NRG3: variants seen among roughly 807,000 people sequenced by gnomAD.
NRG3 encodes the protein neuregulin 3.
NRG3 carries 31 observed loss-of-function variants against 66.9 expected under a neutral mutation model. The ratio of observed to expected loss-of-function variants is 0.46; its 90% CI spans 0.35 to 0.63. The LOEUF (loss-of-function observed/expected upper bound fraction) is 0.63, where lower values mean the gene tolerates loss of function less well. Among genes scored for constraint, NRG3 ranks in the 20% least tolerant of loss-of-function variants. NRG3 has a pLI of 0.00. For missense variants in NRG3, 910 were observed against 878.9 expected (o/e 1.04, Z -0.45); for synonymous variants, 393 against 359.4 (o/e 1.09, Z -1.06).
chr10:82,954,209 C>A (rs1202281534), intron 5 of NRG3, among the ~76,000 whole-genome samples: 1 of 151,838 alleles, frequency 6.6e-6, no homozygotes, highest in African/African-American at 2.4e-5. Flanking sequence ...TAACAATAAC[C>A]AAATTACAAT....
At chr10:82,983,390 G>A (rs1383554023) in intron 8 of NRG3, among the ~76,000 whole-genome samples, 1 of 152,154 alleles carries the variant, frequency 6.6e-6, no homozygotes, top group East Asian at 1.9e-4. Flanking sequence ...TAACACTAAT[G>A]AGAATGGAGT....
intron 1 of NRG3, among the ~76,000 whole-genome samples, chr10:82,116,644 T>C (rs1222887182): frequency 6.6e-6 from 1 of 152,286 alleles, no homozygotes; most frequent in African/African-American, 2.4e-5. Context: ...CTTTTAAAAA[T>C]GTAATTGTCC....
At chr10:82,616,027 C>G (rs1448080182) in intron 2 of NRG3, among the ~76,000 whole-genome samples, 1 of 152,170 alleles carries the variant, frequency 6.6e-6, no homozygotes, top group African/African-American at 2.4e-5. Context: ...ACATACGCTA[C>G]ACACACAGAC....
intron 1 of NRG3, among the ~76,000 whole-genome samples, chr10:81,907,314 A>G (rs1370203681): frequency 6.6e-6 from 1 of 152,140 alleles, no homozygotes; most frequent in Non-Finnish European, 1.5e-5. Flanking sequence ...TCCCTTCCAA[A>G]TATACATTTG....
chr10:82,534,262 A>G (rs777865154), intron 2 of NRG3, among the ~76,000 whole-genome samples: 7 of 150,368 alleles, frequency 4.7e-5, no homozygotes, highest in Non-Finnish European at 1.0e-4. Flanking sequence ...AGAAAAATCC[A>G]TTTTGTTTTT....
intron 4 of NRG3, among the ~76,000 whole-genome samples, chr10:82,889,808 C>G (rs1842995612): frequency 6.6e-6 from 1 of 152,198 alleles, no homozygotes; most frequent in Non-Finnish European, 1.5e-5. Context: ...TGGATGCTTT[C>G]TGATGGCTCT....
intron 2 of NRG3, among the ~76,000 whole-genome samples, chr10:82,712,342 T>C (rs1007743366): frequency 1.3e-5 from 2 of 152,206 alleles, no homozygotes; most frequent in African/African-American, 4.8e-5. Flanking sequence ...CTAATTGAAG[T>C]ATTGGGAGCA....
At chr10:82,503,368 T>G (rs1248200844) in intron 2 of NRG3, among the ~76,000 whole-genome samples, 1 of 152,176 alleles carries the variant, frequency 6.6e-6, no homozygotes, top group Non-Finnish European at 1.5e-5. Context: ...TAGAATCTTC[T>G]GAGAGAAGGA....
chr10:82,981,839 A>G (rs566693571), intron 8 of NRG3, among the ~76,000 whole-genome samples: 1 of 152,356 alleles, frequency 6.6e-6, no homozygotes, highest in African/African-American at 2.4e-5. Context: ...GCCAGACAAA[A>G]AGAGATGGAA....
intron 2 of NRG3, among the ~76,000 whole-genome samples, chr10:82,444,567 AG>A (rs2090616164): frequency 6.6e-6 from 1 of 152,082 alleles, no homozygotes; most frequent in Non-Finnish European, 1.5e-5. Flanking sequence ...ACTAAGGTGG[AG>A]GGGGGAAAAT....
chr10:82,844,562 A>C (rs954573193), intron 3 of NRG3, among the ~76,000 whole-genome samples: 1 of 152,190 alleles, frequency 6.6e-6, no homozygotes, highest in African/African-American at 2.4e-5. Flanking sequence ...ATTCTTATAT[A>C]AAAATGGAGA....
At chr10:82,348,124 T>C (rs1480890142) in intron 1 of NRG3, among the ~76,000 whole-genome samples, 1 of 151,018 alleles carries the variant, frequency 6.6e-6, no homozygotes, top group Non-Finnish European at 1.5e-5. Context: ...TGTTAGCTGG[T>C]TATTTTGCTC....
chr10:82,970,746 T>C (rs1345187468), intron 6 of NRG3, among the ~76,000 whole-genome samples: 1 of 152,248 alleles, frequency 6.6e-6, no homozygotes, highest in Non-Finnish European at 1.5e-5. Context: ...TATTTTTTTC[T>C]TTATGGTCTC....
At chr10:82,878,836 T>C (rs960663977) in intron 4 of NRG3, among the ~76,000 whole-genome samples, 3 of 152,200 alleles carry the variant, frequency 2.0e-5, no homozygotes, top group African/African-American at 7.2e-5. Context: ...GAATGAAATC[T>C]AGGCACTATC....
At chr10:82,504,182 C>T (rs1565000143) in intron 2 of NRG3, among the ~76,000 whole-genome samples, 1 of 152,122 alleles carries the variant, frequency 6.6e-6, no homozygotes, top group Non-Finnish European at 1.5e-5. Flanking sequence ...AACTCTGTGC[C>T]CTTCATGAAT....
chr10:81,938,743 C>G (rs975598620), intron 1 of NRG3, among the ~76,000 whole-genome samples: 1 of 151,736 alleles, frequency 6.6e-6, no homozygotes, highest in Non-Finnish European at 1.5e-5. Context: ...CTGTTGGTGC[C>G]TTTTAGTTGT....
At chr10:82,083,595 A>ATT (rs35927277) in intron 1 of NRG3, among the ~76,000 whole-genome samples, 1 of 115,370 alleles carries the variant, frequency 8.7e-6, no homozygotes. Context: ...CCATTTGTTA[A>ATT]TTTTTTTTTT....
At chr10:82,700,139 A>C (rs2055750969) in intron 2 of NRG3, among the ~76,000 whole-genome samples, 1 of 152,168 alleles carries the variant, frequency 6.6e-6, no homozygotes, top group African/African-American at 2.4e-5. Context: ...AGACATTGTG[A>C]GTGAAAATTA....
chr10:82,082,344 G>A (rs1311068544), intron 1 of NRG3, among the ~76,000 whole-genome samples: 1 of 152,174 alleles, frequency 6.6e-6, no homozygotes, highest in Non-Finnish European at 1.5e-5. Flanking sequence ...TATTTAAAAT[G>A]ATAAAGGACT....
Sources: gnomAD v4.1 joint callset for allele counts (sites outside exome capture counted in the v4.1 genomes callset) on GRCh38, gnomAD v4.1.1 for gene constraint, MANE v1.5 for transcripts, NCBI Gene and HGNC (gene_info 2026-07-23, HGNC 2026-07-21) for gene names.